MYBPC1: variants seen among roughly 807,000 people sequenced by gnomAD.
MYBPC1 encodes the protein myosin binding protein C1, also known as myosin-binding protein C, slow-type.
A neutral mutation model predicts 147.1 loss-of-function variants in MYBPC1; 52 were observed. The observed-to-expected ratio is 0.35, with a 90% CI of 0.28 to 0.45. MYBPC1 has a LOEUF of 0.45. Ranked by LOEUF, MYBPC1 falls within the 20% of genes least tolerant of loss-of-function variation. The probability of loss-of-function intolerance (pLI) is 1.00; values close to 1 mark genes in which losing one functional copy is unlikely to be tolerated. For missense variants in MYBPC1, 1,228 were observed against 1,440.3 expected, an observed-to-expected ratio of 0.85 and a Z score of 2.39; for synonymous variants, 477 against 475.9, an observed-to-expected ratio of 1.00 and a Z score of -0.03.
chr12:101,678,319 AT>A lies in MYBPC1; in HGVS notation c.3246+82del, dbSNP rs1445983540. The A allele has an allele frequency of 5.6e-5, 88 of 1,569,686 alleles. No individual in the cohort carries two copies. In the African/African-American group the frequency reaches 1.1e-3, roughly 19 times the overall value. On this transcript the variant is annotated intron_variant, in intron 28 of 31. Coordinates refer to ENST00000361466, the MANE Select transcript of MYBPC1 (RefSeq NM_002465.4). ...ATAATGTAAGTAACAATGTAAACAA[AT>A]CCAGCTGCTACTTGTGTCTTCCCAG...
chr12:101,682,485 G>C, intron 29 of MYBPC1, 119 bp from the exon 30 acceptor site: 1 of 908,806 alleles, frequency 1.1e-6, no homozygotes, highest in Non-Finnish European at 1.7e-6. Flanking sequence ...AGCTGAAATT[G>C]TTTATCATCA....
chr12:101,599,982 G>T (rs1276265031), intron 1 of MYBPC1, among the ~76,000 whole-genome samples: 1 of 152,182 alleles, frequency 6.6e-6, no homozygotes, highest in Non-Finnish European at 1.5e-5. Context: ...TGCTCCGACT[G>T]CACCTGTTAG....
chr12:101,628,798 C>A (rs1436068351), intron 5 of MYBPC1, among the ~76,000 whole-genome samples: 1 of 152,158 alleles, frequency 6.6e-6, no homozygotes, highest in Admixed American at 6.5e-5. Context: ...CTTTCCAGTT[C>A]TCTGTTTCGT....
In MYBPC1 at chr12:101,653,396, GA is replaced by G. The variant is rs1476648389; in HGVS notation, c.1767+151del. ...GTAAAGATGTAATTCCTTTGAAAAA[GA>G]AAGATGACTGATTTTCAGGCAAATC... is the stretch of plus-strand genomic sequence containing the variant. On this transcript the variant is annotated intron_variant, in intron 18 of 31. Transcript: ENST00000361466. 3 of 1,151,258 alleles carry G rather than the reference GA, an allele frequency of 2.6e-6. No homozygotes were observed. The African/African-American group carries it at 4.6e-5, about 18-fold the overall frequency. 71.3% of individuals were successfully genotyped at this position (1,151,258 alleles called of 1,614,324 possible). A position where few individuals can be genotyped will look rare whatever the true frequency, so the allele number is the denominator to read the frequency against.
chr12:101,595,972 T>C (rs982879549), intron 1 of MYBPC1, among the ~76,000 whole-genome samples: 13 of 152,048 alleles, frequency 8.5e-5, no homozygotes, highest in Non-Finnish European at 1.6e-4. Flanking sequence ...TTAATTAAAA[T>C]ATCTTTTAAA....
Position 101,662,464 on chromosome 12 carries a change from G to A in MYBPC1, c.2139G>A (p.Val713=), listed in dbSNP as rs1208915457. Reference sequence around the variant, plus strand: ...AGCCCAAGAAGATGATTGAAGGTGTGGCCTATGAGGTCCGCATCTTTGCAG... The same window carrying A: ...AGCCCAAGAAGATGATTGAAGGTGTAGCCTATGAGGTCCGCATCTTTGCAG... ...TFEPKKMIEG[V]AYEVRIFAVN... Residue 713 remains valine (V), a synonymous_variant, in exon 21 of 32, where the codon GTG becomes GTA. Transcript: ENST00000361466. 1.9e-6 allele frequency: 3 copies of A among 1,614,214 alleles called. No individual in the cohort carries two copies. Among genetic ancestry groups the A allele is most frequent in the South Asian group, 2.2e-5 (2 of 91,084 alleles).
the MYBPC1 span, among the ~76,000 whole-genome samples, chr12:101,693,714 G>A: frequency 6.6e-6 from 1 of 151,590 alleles, no homozygotes; most frequent in Non-Finnish European, 1.5e-5. Context: ...CTCCAGCCTG[G>A]GTGACAGAGC....
chr12:101,649,203 A>T, intron 14 of MYBPC1, 57 bp from the exon 15 acceptor site: 1 of 1,474,502 alleles, frequency 6.8e-7, no homozygotes. Flanking sequence ...AAGATGGACA[A>T]GGTATTTTTC....
chr12:101,626,155 A>T (rs1183001335), intron 3 of MYBPC1, among the ~76,000 whole-genome samples: 1 of 151,106 alleles, frequency 6.6e-6, no homozygotes, highest in Non-Finnish European at 1.5e-5. Flanking sequence ...AGGTAGGCTG[A>T]CTAAATTTAC....
At position 101,663,519 on chromosome 12, in the gene MYBPC1, C is replaced by G; in HGVS notation, c.2315C>G (p.Ala772Gly). 2 of 1,614,124 alleles carry G rather than the reference C, an allele frequency of 1.2e-6. No homozygotes were observed. The highest frequency in any genetic ancestry group is 1.7e-6 in the Non-Finnish European group (2 of 1,180,016). ...CGCCCCCCAGACCACATTGGTGCAGCAGGTTTAGATGGCTATGTGCTAGAG... is the reference window on the plus strand; with the variant it reads ...CGCCCCCCAGACCACATTGGTGCAGGAGGTTTAGATGGCTATGTGCTAGAG... ...RWRPPDHIGA[A>G]GLDGYVLEYC... Residue 772 changes from alanine to glycine, a missense_variant, in exon 22 of 32, where the codon GCA (alanine) becomes GGA (glycine). Transcript: ENST00000361466.
chr12:101,643,910 A>C (rs1220446604), intron 11 of MYBPC1, among the ~76,000 whole-genome samples: 1 of 152,242 alleles, frequency 6.6e-6, no homozygotes, highest in East Asian at 1.9e-4. Context: ...TCGATTTAAT[A>C]TGAATCACTG....
intron 12 of MYBPC1, 171 bp from the exon 13 acceptor site, chr12:101,646,592 T>C: frequency 1.4e-6 from 1 of 708,410 alleles, no homozygotes; most frequent in East Asian, 2.9e-5. Flanking sequence ...TTAGCTATGT[T>C]TGCACCACTG....
At chr12:101,629,405 T>C in intron 5 of MYBPC1, 29 bp from the exon 6 acceptor site, 3 of 1,475,818 alleles carry the variant, frequency 2.0e-6, no homozygotes, top group Non-Finnish European at 2.8e-6. Context: ...GGCCCTGAAA[T>C]AATCCTTTTC....
At chr12:101,678,386 G>C in intron 28 of MYBPC1, 148 bp downstream of exon 28, 1 of 1,188,238 alleles carries the variant, frequency 8.4e-7, no homozygotes, top group East Asian at 2.4e-5. Context: ...AGATTATTAG[G>C]CACACTATTC....
intron 8 of MYBPC1, among the ~76,000 whole-genome samples, chr12:101,633,561 C>G (rs1308994357): frequency 6.6e-6 from 1 of 151,752 alleles, no homozygotes; most frequent in Non-Finnish European, 1.5e-5. Flanking sequence ...GTGGTGGGCA[C>G]CTATAATCCC....
chr12:101,638,677 G>GA (rs978120464), intron 10 of MYBPC1, among the ~76,000 whole-genome samples: 1 of 151,448 alleles, frequency 6.6e-6, no homozygotes, highest in African/African-American at 2.4e-5. Flanking sequence ...GATTAAAAAG[G>GA]AAAAAAAGAA....
rs184174176 is a variant in MYBPC1, at chr12:101,642,601, G to C, written c.832+16G>C. The C allele has an allele frequency of 8.1e-6, 13 of 1,604,350 alleles. No homozygotes were observed. The African/African-American group carries it at 9.3e-5, about 12-fold the overall frequency. On this transcript the variant is annotated intron_variant, in intron 11 of 31. Transcript: ENST00000361466. ...AAGAGCGCAGGTGAGCGCTCCCGGG[G>C]GCGAGGCAGCGGCCGAGGGGCGTGG...
chr12:101,598,183 C>G (rs1420103348), intron 1 of MYBPC1, among the ~76,000 whole-genome samples: 1 of 152,046 alleles, frequency 6.6e-6, no homozygotes, highest in African/African-American at 2.4e-5. Flanking sequence ...ACACGCCCAG[C>G]TAATTTTTGT....
At chr12:101,655,108 A>G (rs1195778064) in intron 18 of MYBPC1, among the ~76,000 whole-genome samples, 1 of 143,080 alleles carries the variant, frequency 7.0e-6, no homozygotes. Flanking sequence ...CAGATCTCAC[A>G]TGTAAATTAG....
Sources: gnomAD v4.1 joint callset for allele counts (sites outside exome capture counted in the v4.1 genomes callset) on GRCh38, gnomAD v4.1.1 for gene constraint, MANE v1.5 for transcripts, NCBI Gene and HGNC (gene_info 2026-07-23, HGNC 2026-07-21) for gene names.